Variants in KCNMA1 observed in about 807,000 individuals in gnomAD.
KCNMA1 encodes potassium calcium-activated channel subfamily M alpha 1, also known as Calcium-activated potassium channel subunit alpha-1.
Under a neutral mutation model 140.0 loss-of-function variants are expected in KCNMA1, and 29 were observed. The observed-to-expected ratio is 0.21, with a 90% CI of 0.15 to 0.28. The LOEUF (loss-of-function observed/expected upper bound fraction) is 0.28. Ranked by LOEUF, KCNMA1 falls within the 10% of genes least tolerant of loss-of-function variation. The pLI is 1.00. For missense variants in KCNMA1, 880 were observed against 1,602.2 expected, an observed-to-expected ratio of 0.55 and a Z score of 7.70; for synonymous variants, 612 against 611.9, an observed-to-expected ratio of 1.00 and a Z score of 0.00.
chr10:76,912,694 C>T (rs1238460371), intron 24 of KCNMA1: 1 of 152,140 alleles, frequency 6.6e-6, no homozygotes, highest in Non-Finnish European at 1.5e-5. Flanking sequence ...CTACTAATGA[C>T]AAATTAAGAT....
intron 5 of KCNMA1, among the ~76,000 whole-genome samples, chr10:77,142,378 A>AG (rs1343753803): frequency 6.6e-6 from 1 of 151,950 alleles, no homozygotes; most frequent in Non-Finnish European, 1.5e-5. Context: ...TTAAAAAAAA[A>AG]AAAAGAAAAG....
At chr10:77,070,167 C>T (rs1258244144) in intron 14 of KCNMA1, among the ~76,000 whole-genome samples, 1 of 152,050 alleles carries the variant, frequency 6.6e-6, no homozygotes, top group East Asian at 1.9e-4. Context: ...TCAGTCTTGG[C>T]ATTTTGGTCT....
At chr10:77,596,219 C>T (rs1262251655) in intron 1 of KCNMA1, among the ~76,000 whole-genome samples, 1 of 152,226 alleles carries the variant, frequency 6.6e-6, no homozygotes, top group Non-Finnish European at 1.5e-5. Context: ...GGAAAAGGCA[C>T]TCACTTGTAC....
At chr10:77,374,019 A>T (rs2094917500) in intron 2 of KCNMA1, among the ~76,000 whole-genome samples, 1 of 152,180 alleles carries the variant, frequency 6.6e-6, no homozygotes, top group Non-Finnish European at 1.5e-5. Context: ...GATGAAAAAG[A>T]TTGATTGGTC....
intron 5 of KCNMA1, among the ~76,000 whole-genome samples, chr10:77,165,535 C>A (rs895782184): frequency 6.6e-6 from 1 of 152,106 alleles, no homozygotes; most frequent in Non-Finnish European, 1.5e-5. Flanking sequence ...AAATATTCTA[C>A]GGAGATAAAA....
At chr10:77,382,800 G>C (rs1231771316) in intron 2 of KCNMA1, among the ~76,000 whole-genome samples, 2 of 139,434 alleles carry the variant, frequency 1.4e-5, no homozygotes, top group Non-Finnish European at 3.1e-5. Flanking sequence ...AGAAGGTGGA[G>C]GTTGCAGTAA....
intron 1 of KCNMA1, among the ~76,000 whole-genome samples, chr10:77,568,552 T>G (rs2069341629): frequency 6.6e-6 from 1 of 151,718 alleles, no homozygotes; most frequent in Non-Finnish European, 1.5e-5. Flanking sequence ...TGCTAAAAAC[T>G]CTCAATAAAT....
At chr10:76,952,603 A>G (rs2116833) in intron 21 of KCNMA1, among the ~76,000 whole-genome samples, 95,865 of 152,146 alleles carry the variant, frequency 0.63, 30,551 homozygotes, top group East Asian at 0.82. Flanking sequence ...GTTGGACAAC[A>G]GCTGTTTGCT....
At chr10:77,224,820 C>T (rs1012821717) in intron 3 of KCNMA1, among the ~76,000 whole-genome samples, 2 of 152,168 alleles carry the variant, frequency 1.3e-5, no homozygotes, top group East Asian at 1.9e-4. Context: ...TGACAGCACC[C>T]ATCTCACAGA....
intron 1 of KCNMA1, among the ~76,000 whole-genome samples, chr10:77,631,804 G>T (rs146739198): frequency 2.0e-5 from 3 of 152,298 alleles, no homozygotes; most frequent in African/African-American, 2.4e-5. Flanking sequence ...GCAGGGGGCA[G>T]GCAGCTCTTC....
At chr10:77,217,507 C>A (rs1565282152) in intron 3 of KCNMA1, 1 of 456,610 alleles carries the variant, frequency 2.2e-6, no homozygotes, top group East Asian at 7.0e-5. Context: ...TTCTTGGCCA[C>A]CCTGGAATTT....
At chr10:77,098,613 CA>C (rs2097004281) in intron 9 of KCNMA1, among the ~76,000 whole-genome samples, 1 of 151,816 alleles carries the variant, frequency 6.6e-6, no homozygotes, top group Non-Finnish European at 1.5e-5. Flanking sequence ...CTTAAGTCAG[CA>C]AAAAAATAAG....
intron 2 of KCNMA1, among the ~76,000 whole-genome samples, chr10:77,403,462 G>A (rs546066292): frequency 1.3e-3 from 195 of 152,244 alleles, no homozygotes; most frequent in African/African-American, 4.5e-3. Context: ...ATCCCCCGAA[G>A]ACCACCAAAC....
intron 13 of KCNMA1, among the ~76,000 whole-genome samples, chr10:77,074,058 G>A (rs535356972): frequency 5.9e-5 from 9 of 152,152 alleles, no homozygotes; most frequent in South Asian, 4.2e-4. Flanking sequence ...TGGAAAAATC[G>A]GCAAAAGACC....
chr10:77,006,682 C>T (rs1180367003), intron 18 of KCNMA1, among the ~76,000 whole-genome samples: 2 of 152,146 alleles, frequency 1.3e-5, no homozygotes, highest in Non-Finnish European at 2.9e-5. Flanking sequence ...TTGATTCTGC[C>T]CCTAATGACT....
At chr10:76,969,358 T>C (rs933243976) in intron 20 of KCNMA1, among the ~76,000 whole-genome samples, 5 of 115,920 alleles carry the variant, frequency 4.3e-5, no homozygotes, top group African/African-American at 1.6e-4. Flanking sequence ...TGTACATGCA[T>C]GCTGTATTTC....
intron 1 of KCNMA1, among the ~76,000 whole-genome samples, chr10:77,561,464 C>A (rs2066365648): frequency 1.3e-5 from 2 of 152,178 alleles, no homozygotes; most frequent in Non-Finnish European, 2.9e-5. Flanking sequence ...CACATAGATA[C>A]TAAGTGGTGG....
At chr10:77,465,574 A>G (rs1182187650) in intron 1 of KCNMA1, among the ~76,000 whole-genome samples, 1 of 152,108 alleles carries the variant, frequency 6.6e-6, no homozygotes, top group East Asian at 1.9e-4. Context: ...CAAAATGGGG[A>G]TAATAACAAT....
chr10:77,427,984 C>T (rs2097061295), intron 1 of KCNMA1, among the ~76,000 whole-genome samples: 1 of 152,064 alleles, frequency 6.6e-6, no homozygotes, highest in South Asian at 2.1e-4. Context: ...ATCTCCTGAC[C>T]TTGTAATCCA....
Sources: gnomAD v4.1 joint callset for allele counts (sites outside exome capture counted in the v4.1 genomes callset) on GRCh38, gnomAD v4.1.1 for gene constraint, MANE v1.5 for transcripts, NCBI Gene and HGNC (gene_info 2026-07-23, HGNC 2026-07-21) for gene names.